Variants in FMN1 observed in about 807,000 individuals in gnomAD.
The protein encoded by FMN1 is formin 1, also known as formin-1.
FMN1 carries 110 observed loss-of-function variants against 132.4 expected under a neutral mutation model. The observed-to-expected ratio is 0.83, with a 90% CI of 0.71 to 0.97. The LOEUF (loss-of-function observed/expected upper bound fraction) is 0.97, where lower values mean the gene tolerates loss of function less well. Ranked by LOEUF, FMN1 falls within the 50% of genes least tolerant of loss-of-function variation. FMN1 has a pLI of 0.00. For synonymous variants in FMN1, 722 were observed against 651.7 expected, an observed-to-expected ratio of 1.11 and a Z score of -1.64; for missense variants, 1,792 against 1,705.3, an observed-to-expected ratio of 1.05 and a Z score of -0.90.
At chr15:32,932,261 A>C (rs2061139822) in intron 9 of FMN1, among the ~76,000 whole-genome samples, 1 of 152,078 alleles carries the variant, frequency 6.6e-6, no homozygotes, top group Non-Finnish European at 1.5e-5. Context: ...TTAGCTGTGC[A>C]TGGAGGCACG....
At chr15:32,910,415 C>T in intron 11 of FMN1, 59 bp downstream of exon 11, 7 of 1,335,874 alleles carry the variant, frequency 5.2e-6, no homozygotes, top group Non-Finnish European at 6.3e-6. Flanking sequence ...ACAGCTCAGT[C>T]ATTTCTCAGG....
chr15:33,041,862 A>G (rs2036455135), intron 6 of FMN1, among the ~76,000 whole-genome samples: 1 of 152,184 alleles, frequency 6.6e-6, no homozygotes. Context: ...CAATATGAAC[A>G]TACACTACTG....
intron 17 of FMN1, among the ~76,000 whole-genome samples, chr15:32,837,532 T>C (rs1343584645): frequency 6.6e-6 from 1 of 152,198 alleles, no homozygotes; most frequent in African/African-American, 2.4e-5. Flanking sequence ...GACTGAGTCC[T>C]GAAGCCCTCT....
intron 7 of FMN1, among the ~76,000 whole-genome samples, chr15:32,988,049 G>GTTTTTTTTTTTTTT (rs10573409): frequency 5.1e-5 from 6 of 118,166 alleles, no homozygotes; most frequent in Admixed American, 9.5e-5. Flanking sequence ...TGTCTCTCCA[G>GTTTTTTTTTTTTTT]TTTTTTTTTT....
At chr15:33,066,518 G>C (rs1262141258) in intron 5 of FMN1, 1 of 1,539,814 alleles carries the variant, frequency 6.5e-7, no homozygotes, top group Non-Finnish European at 8.7e-7. Flanking sequence ...TACACTTTTG[G>C]AATCAGAGGG....
rs1566788209 is a variant in FMN1 at position 32,981,546 on chromosome 15, T to TAATA, written c.2224-12070_2224-12069insTATT. Among the ~76,000 whole-genome samples, 363 of 125,744 alleles carry TAATA rather than the reference T, an allele frequency of 2.9e-3. 1 individual carries two copies. Among genetic ancestry groups the TAATA allele is most frequent in the Middle Eastern group, 8.1e-3 (2 of 246 alleles). 82.5% of individuals were successfully genotyped at this position (125,744 alleles called of 152,430 possible). A position where few individuals can be genotyped will look rare whatever the true frequency, so the allele number is the denominator to read the frequency against. On this transcript the variant is annotated intron_variant, in intron 7 of 20. Transcript: ENST00000616417. ...TAATAATAATAATAATAATAATAAT[T>TAATA]ATTATTATTATTATTATTACATTCT...
chr15:32,879,391 G>T (rs918548823), intron 16 of FMN1, among the ~76,000 whole-genome samples: 1 of 152,168 alleles, frequency 6.6e-6, no homozygotes, highest in African/African-American at 2.4e-5. Context: ...AAGGAGGAAA[G>T]AGCTAATAAA....
intron 17 of FMN1, among the ~76,000 whole-genome samples, chr15:32,833,910 C>T (rs1369252452): frequency 6.6e-6 from 1 of 152,160 alleles, no homozygotes; most frequent in Non-Finnish European, 1.5e-5. Context: ...CTCTTGGGTT[C>T]CTCCATAAGC....
At chr15:32,869,367 T>C (rs2059463260) in intron 16 of FMN1, among the ~76,000 whole-genome samples, 1 of 152,200 alleles carries the variant, frequency 6.6e-6, no homozygotes, top group Non-Finnish European at 1.5e-5. Context: ...GCTTGCAATT[T>C]TACTTAAAGT....
At chr15:32,806,474 C>A (rs764461356) in intron 17 of FMN1, among the ~76,000 whole-genome samples, 1 of 152,254 alleles carries the variant, frequency 6.6e-6, no homozygotes, top group Non-Finnish European at 1.5e-5. Flanking sequence ...ATTAATACTA[C>A]ATTACCATAA....
At position 32,766,749 on chromosome 15, in the gene FMN1, G is replaced by A. The variant is rs2056062124; in HGVS notation, c.*7561C>T. On this transcript the variant is annotated 3_prime_UTR_variant, in exon 21 of 21. Coordinates refer to ENST00000616417, the MANE Select transcript of FMN1 (RefSeq NM_001277313.2). ...GCACAGGGTGTGAGAGGATGGAGGAGGGGCCAAGGGAGCTACTCAGTTGTC... is the reference window on the plus strand; with the variant it reads ...GCACAGGGTGTGAGAGGATGGAGGAAGGGCCAAGGGAGCTACTCAGTTGTC... 6.6e-6 allele frequency: 1 copy of A among 152,122 alleles called. No individual in the cohort carries two copies. The highest frequency in any genetic ancestry group is 1.9e-4 in the East Asian group (1 of 5,198). The allele number at this position is 152,122 out of a possible 1,614,324, so 9.4% of individuals were successfully genotyped here.
At chr15:32,938,707 C>T (rs189522686) in intron 9 of FMN1, among the ~76,000 whole-genome samples, 35 of 152,186 alleles carry the variant, frequency 2.3e-4, no homozygotes, top group Non-Finnish European at 4.4e-4. Flanking sequence ...CTTACCCTGC[C>T]AAGTATTTGA....
chr15:32,862,237 C>G (rs533484793), intron 16 of FMN1, among the ~76,000 whole-genome samples: 1 of 151,882 alleles, frequency 6.6e-6, no homozygotes, highest in Non-Finnish European at 1.5e-5. Flanking sequence ...AACCGGAAGA[C>G]TCGCATACGA....
At chr15:33,117,593 C>A (rs1340513433) in intron 4 of FMN1, among the ~76,000 whole-genome samples, 2 of 152,198 alleles carry the variant, frequency 1.3e-5, no homozygotes, top group Non-Finnish European at 2.9e-5. Flanking sequence ...GAGTCCACTT[C>A]AGGGATCAAA....
chr15:33,151,102 A>G, intron 4 of FMN1: 1 of 1,344,440 alleles, frequency 7.4e-7, no homozygotes, highest in Non-Finnish European at 9.6e-7. Context: ...GAAAATCAAG[A>G]GAGAAAAGGG....
At chr15:32,823,162 T>TTTTG (rs2058270772) in intron 17 of FMN1, among the ~76,000 whole-genome samples, 1 of 76,054 alleles carries the variant, frequency 1.3e-5, no homozygotes, top group Admixed American at 1.4e-4. Context: ...GTTTTTTTTT[T>TTTTG]TTTTTTTTTT....
chr15:32,923,952 C>A (rs1428928824), intron 10 of FMN1, among the ~76,000 whole-genome samples: 1 of 120,966 alleles, frequency 8.3e-6, no homozygotes, highest in Non-Finnish European at 1.8e-5. Context: ...TCATGGAGAC[C>A]ACTGTCAAGA....
intron 4 of FMN1, among the ~76,000 whole-genome samples, chr15:33,142,282 G>A (rs544578875): frequency 1.3e-4 from 20 of 152,250 alleles, no homozygotes; most frequent in South Asian, 1.0e-3. Flanking sequence ...AACAGAAACT[G>A]AGGTCCCTGA....
rs1408589071 is a variant in FMN1 at position 32,769,253 on chromosome 15, A to G, written c.*5057T>C. ...GTATTGGTTAAGAGTCTTGGAACAA[A>G]TAAGGATACTGAATTGGCTTCAAAT... On this transcript the variant is annotated 3_prime_UTR_variant, in exon 21 of 21. Coordinates refer to ENST00000616417, the MANE Select transcript of FMN1 (RefSeq NM_001277313.2). The G allele has an allele frequency of 2.0e-5, 3 of 152,266 alleles. No individual in the cohort carries two copies. Among genetic ancestry groups the G allele is most frequent in the Non-Finnish European group, 4.4e-5 (3 of 68,044 alleles). 9.4% of individuals were successfully genotyped at this position (152,266 alleles called of 1,614,324 possible).
Sources: gnomAD v4.1 joint callset for allele counts (sites outside exome capture counted in the v4.1 genomes callset) on GRCh38, gnomAD v4.1.1 for gene constraint, MANE v1.5 for transcripts, NCBI Gene and HGNC (gene_info 2026-07-23, HGNC 2026-07-21) for gene names.